CRYBG1: variants seen among roughly 807,000 people sequenced by gnomAD.
CRYBG1 encodes beta/gamma crystallin domain-containing protein 1.
Under a neutral mutation model 189.2 loss-of-function variants are expected in CRYBG1, and 139 were observed. The ratio of observed to expected loss-of-function variants is 0.73; its 90% CI spans 0.64 to 0.85. The LOEUF is 0.85. Among genes scored for constraint, CRYBG1 ranks in the 40% least tolerant of loss-of-function variants. The pLI is 0.00. For synonymous variants in CRYBG1, 1,023 were observed against 1,017.1 expected (o/e 1.01, Z -0.11); for missense variants, 2,611 against 2,675.8 (o/e 0.98, Z 0.53).
intron 13 of CRYBG1, among the ~76,000 whole-genome samples, chr6:106,546,056 G>A (rs547269250): frequency 2.0e-5 from 3 of 152,280 alleles, no homozygotes; most frequent in South Asian, 4.1e-4. Flanking sequence ...CTAGGCTTGG[G>A]TCATGTGCAC....
rs528100213 is a variant in CRYBG1, at chr6:106,361,909, C to T, written c.173+828C>T. On this transcript the variant is annotated intron_variant, in intron 1 of 21. Coordinates refer to ENST00000633556, the MANE Select transcript of CRYBG1 (RefSeq NM_001371242.2). ...TTTTTAAAATACACCCTATGAGGGC[C>T]AGAATAAAATTGTGCAAAATTTGCA... Among the ~76,000 whole-genome samples, 19 of 146,246 alleles carry T rather than the reference C, an allele frequency of 1.3e-4. 2 individuals carry two copies. Among genetic ancestry groups the T allele is most frequent in the East Asian group, 1.0e-3 (5 of 4,986 alleles).
chr6:106,493,439 C>T (rs1772769116), intron 2 of CRYBG1, among the ~76,000 whole-genome samples: 1 of 152,072 alleles, frequency 6.6e-6, no homozygotes, highest in African/African-American at 2.4e-5. Context: ...ATGGCAATTC[C>T]TCAAAAAGTT....
Position 106,558,498 on chromosome 6 carries a change from C to T in CRYBG1, c.5728C>T (p.Pro1910Ser), listed in dbSNP as rs1582839372. The change falls in exon 18 of 22, where the codon CCA (proline) becomes TCA (serine). Residue 1910 changes from proline to serine, a missense_variant. Transcript: ENST00000633556. The stretch of plus-strand genomic sequence containing the variant: ...TGTTCCTCAACAGGAATTTTCTGAA[C>T]CAACAATTATTCTCTTTGAAAGAGA... ...LRFIDVEFSE[P>S]TIILFEREDF... 1.9e-6 allele frequency: 3 copies of T among 1,592,754 alleles called. No homozygotes were observed. The highest frequency in any genetic ancestry group is 3.5e-5 in the Admixed American group (2 of 56,706).
At chr6:106,408,347 C>T (rs1770862777) in intron 1 of CRYBG1, among the ~76,000 whole-genome samples, 1 of 152,118 alleles carries the variant, frequency 6.6e-6, no homozygotes, top group Non-Finnish European at 1.5e-5. Context: ...CCTGAATAGA[C>T]CAATAACAAG....
intron 1 of CRYBG1, among the ~76,000 whole-genome samples, chr6:106,370,024 T>C (rs1315608344): frequency 1.3e-5 from 2 of 152,250 alleles, no homozygotes; most frequent in Admixed American, 6.5e-5. Context: ...TATTCTTATA[T>C]GAGTTCATTT....
chr6:106,433,736 C>CGTATATAT (rs1554235113), intron 1 of CRYBG1, among the ~76,000 whole-genome samples: 4 of 27,648 alleles, frequency 1.4e-4, no homozygotes, highest in African/African-American at 3.4e-4. Context: ...TATATATATA[C>CGTATATAT]ATATATATGT....
Position 106,519,149 on chromosome 6 carries a change from T to C in CRYBG1, c.1941T>C (p.His647=), listed in dbSNP as rs777446194. The C allele has an allele frequency of 5.1e-5, 82 of 1,613,206 alleles. No individual in the cohort carries two copies. The Middle Eastern group carries it at 1.8e-3, about 36-fold the overall frequency. ...CTCACAGCCCTGCCAAGCCCAAACA[T>C]GTGGAACTAAATCTTAAAACCCCTA... is the stretch of plus-strand genomic sequence containing the variant. The part of the protein sequence containing the change: ...TKVTLPAKPK[H]VELNLKTPKN... Residue 647 remains histidine, a synonymous_variant, in exon 4 of 22, where the codon CAT becomes CAC. Transcript: ENST00000633556.
intron 2 of CRYBG1, among the ~76,000 whole-genome samples, chr6:106,506,446 C>A (rs1442080442): frequency 2.9e-5 from 2 of 69,948 alleles, no homozygotes; most frequent in Admixed American, 2.0e-4. Flanking sequence ...TTTCTTGTCA[C>A]TTTTTTTTTT....
chr6:106,519,203 C>A lies in CRYBG1; in HGVS notation c.1995C>A (p.His665Gln). Reference sequence around the variant, plus strand: ...ATCTTGACAGTTTGGGAAATGAGCACAATCCATTTAGCCAGCCAGTTCACA... The same window carrying A: ...ATCTTGACAGTTTGGGAAATGAGCAAAATCCATTTAGCCAGCCAGTTCACA... Reference protein sequence around the residue: ...PKNLDSLGNEHNPFSQPVHKG... With the variant: ...PKNLDSLGNEQNPFSQPVHKG... Residue 665 changes from histidine to glutamine, a missense_variant, in exon 4 of 22, where the codon CAC (histidine) becomes CAA (glutamine). Coordinates refer to ENST00000633556, the MANE Select transcript of CRYBG1 (RefSeq NM_001371242.2). 6.2e-7 allele frequency: 1 copy of A among 1,614,124 alleles called. No homozygotes were observed. The highest frequency in any genetic ancestry group is 8.5e-7 in the Non-Finnish European group (1 of 1,180,032).
At chr6:106,412,451 T>C (rs532672976) in intron 1 of CRYBG1, among the ~76,000 whole-genome samples, 1 of 152,378 alleles carries the variant, frequency 6.6e-6, no homozygotes, top group African/African-American at 2.4e-5. Flanking sequence ...CTTCATTTTA[T>C]CATCTCAACC....
intron 2 of CRYBG1, among the ~76,000 whole-genome samples, chr6:106,458,031 T>C (rs571779364): frequency 6.6e-6 from 1 of 152,352 alleles, no homozygotes; most frequent in South Asian, 2.1e-4. Flanking sequence ...GGGAAATAAA[T>C]GTAGGAAACA....
intron 1 of CRYBG1, among the ~76,000 whole-genome samples, chr6:106,361,883 G>A (rs1176313751): frequency 6.6e-6 from 1 of 151,592 alleles, no homozygotes; most frequent in Non-Finnish European, 1.5e-5. Context: ...TTCCAAATGT[G>A]TTTTTAAAAT....
chr6:106,463,122 C>G (rs2114455684), intron 2 of CRYBG1, among the ~76,000 whole-genome samples: 1 of 150,958 alleles, frequency 6.6e-6, no homozygotes, highest in Non-Finnish European at 1.5e-5. Context: ...CCAGTACACT[C>G]CAGCCTGGGT....
rs766309134 is a variant in CRYBG1, at chr6:106,512,945, G to A, written c.1828G>A (p.Ala610Thr). 23 of 1,610,320 alleles carry A rather than the reference G, an allele frequency of 1.4e-5. No individual in the cohort carries two copies. The highest frequency in any genetic ancestry group is 1.8e-5 in the Non-Finnish European group (21 of 1,178,926). ...EGGRSRELGRAAGAPGASDAD... is the reference protein window; with the variant it reads ...EGGRSRELGRTAGAPGASDAD... Reference sequence around the variant, plus strand: ...AGGTCGAAGCAGAGAGCTGGGCAGAGCGGCCGGAGCGCCTGGAGCTTCTGA... The same window carrying A: ...AGGTCGAAGCAGAGAGCTGGGCAGAACGGCCGGAGCGCCTGGAGCTTCTGA... The change falls in exon 3 of 22, where the codon GCG (alanine) becomes ACG (threonine). Residue 610 changes from alanine to threonine, a missense_variant. Ala to Thr is a moderately conservative substitution (Grantham distance 58). Coordinates refer to ENST00000633556, the MANE Select transcript of CRYBG1 (RefSeq NM_001371242.2).
rs187670125 is a variant in CRYBG1 at position 106,561,011 on chromosome 6, T to A, written c.5979+85T>A. 190 of 1,408,464 alleles carry A rather than the reference T, an allele frequency of 1.3e-4. No homozygotes were observed. In the African/African-American group the frequency reaches 2.1e-3, roughly 15 times the overall value. The allele number at this position is 1,408,464 out of a possible 1,614,324, so 87.2% of individuals were successfully genotyped here. On this transcript the variant is annotated intron_variant, in intron 19 of 21. Coordinates refer to ENST00000633556, the MANE Select transcript of CRYBG1 (RefSeq NM_001371242.2). Reference sequence around the variant, plus strand: ...AATCCAACTTTTTATCCAATTTTTTTATTCAAAGTTTATAACTGGCCTCAC... The same window carrying A: ...AATCCAACTTTTTATCCAATTTTTTAATTCAAAGTTTATAACTGGCCTCAC...
chr6:106,443,017 A>G (rs1228051477), intron 1 of CRYBG1, among the ~76,000 whole-genome samples: 2 of 152,216 alleles, frequency 1.3e-5, no homozygotes, highest in Admixed American at 1.3e-4. Flanking sequence ...TTGTAAAGTT[A>G]GAATAGGTTA....
At chr6:106,468,196 C>G (rs1369290620) in intron 2 of CRYBG1, among the ~76,000 whole-genome samples, 1 of 152,164 alleles carries the variant, frequency 6.6e-6, no homozygotes, top group African/African-American at 2.4e-5. Flanking sequence ...TTGAATCTGT[C>G]CAGCTCTTGA....
At chr6:106,547,755 C>A (rs1774299080) in intron 13 of CRYBG1, among the ~76,000 whole-genome samples, 2 of 152,176 alleles carry the variant, frequency 1.3e-5, no homozygotes, top group Admixed American at 6.5e-5. Flanking sequence ...ATCCCCTGGG[C>A]AGTAAACTCA....
At chr6:106,378,039 G>A (rs1050655044) in intron 1 of CRYBG1, among the ~76,000 whole-genome samples, 1 of 152,178 alleles carries the variant, frequency 6.6e-6, no homozygotes, top group African/African-American at 2.4e-5. Flanking sequence ...TAACCAGCCT[G>A]TTGAGTGGCT....
Sources: allele counts gnomAD v4.1 joint callset (sites outside exome capture counted in the v4.1 genomes callset), GRCh38; gene constraint gnomAD v4.1.1; transcripts MANE v1.5; gene names NCBI Gene and HGNC (gene_info 2026-07-23, HGNC 2026-07-21).